Variants in CMTM4 observed in about 807,000 individuals in gnomAD.
CMTM4 encodes CKLF like MARVEL transmembrane domain containing 4.
A neutral mutation model predicts 19.0 loss-of-function variants in CMTM4; 8 were observed. That is an observed-to-expected ratio of 0.42 (90% CI 0.25 to 0.76). The LOEUF is 0.76. Ranked by LOEUF, CMTM4 falls within the 30% of genes least tolerant of loss-of-function variation. CMTM4 has a pLI of 0.27. For missense variants in CMTM4, 228 were observed against 290.2 expected (o/e 0.79, Z 1.56); for synonymous variants, 106 against 121.1 (o/e 0.88, Z 0.82).
At chr16:66,670,001 A>G (rs2016673462) in intron 1 of CMTM4, among the ~76,000 whole-genome samples, 1 of 152,234 alleles carries the variant, frequency 6.6e-6, no homozygotes, top group Admixed American at 6.5e-5. Context: ...CCACTTAATC[A>G]TGAAACAAAA....
chr16:66,640,076 C>A (rs934949759), intron 1 of CMTM4, among the ~76,000 whole-genome samples: 3 of 151,988 alleles, frequency 2.0e-5, no homozygotes, highest in African/African-American at 7.3e-5. Flanking sequence ...GTAATCCCAG[C>A]ACTATGGGAG....
chr16:66,677,311 C>T (rs1199629745), intron 1 of CMTM4, among the ~76,000 whole-genome samples: 1 of 152,196 alleles, frequency 6.6e-6, no homozygotes, highest in Non-Finnish European at 1.5e-5. Context: ...CAGGTGGGGG[C>T]AGGGAAGTAG....
intron 1 of CMTM4, among the ~76,000 whole-genome samples, chr16:66,683,141 A>ACATG (rs1567431990): frequency 2.3e-5 from 3 of 131,906 alleles, no homozygotes; most frequent in Admixed American, 8.6e-5. Context: ...ATATATATAT[A>ACATG]TATATGTATA....
chr16:66,648,589 C>T (rs994784383), intron 1 of CMTM4, among the ~76,000 whole-genome samples: 3 of 151,612 alleles, frequency 2.0e-5, no homozygotes, highest in African/African-American at 7.3e-5. Flanking sequence ...ACCCGGGAGG[C>T]GGAGGCTGCA....
chr16:66,636,556 C>A lies in CMTM4; in HGVS notation c.212G>T (p.Cys71Phe). 1 of 1,614,122 alleles carries A rather than the reference C, an allele frequency of 6.2e-7. No individual in the cohort carries two copies. Among genetic ancestry groups the A allele is most frequent in the Non-Finnish European group, 8.5e-7 (1 of 1,180,006 alleles). The change falls in exon 2 of 4, where the codon TGC (cysteine) becomes TTC (phenylalanine). Residue 71 changes from cysteine (C) to phenylalanine (F), a missense_variant. By Grantham distance (205) the Cys-to-Phe change is radical. Transcript: ENST00000394106. ...GGAGCATGCCATGATGGTCTCTATG[C>A]AGATGAATGCAATCAGGGCCAAGAT... ...QVILALIAFI[C>F]IETIMACSPC...
At chr16:66,607,143 G>A in the CMTM4 span, among the ~76,000 whole-genome samples, 107 of 152,332 alleles carry the variant, frequency 7.0e-4, no homozygotes, top group Non-Finnish European at 1.1e-3. Context: ...GGAGATGCCC[G>A]TGAGCCTCAG....
chr16:66,679,076 G>T (rs1211432982), intron 1 of CMTM4, among the ~76,000 whole-genome samples: 1 of 151,194 alleles, frequency 6.6e-6, no homozygotes, highest in East Asian at 1.9e-4. Context: ...TCCAGCCTGG[G>T]TGACAGAGCA....
At chr16:66,628,375 G>A (rs950787907) in intron 2 of CMTM4, among the ~76,000 whole-genome samples, 6 of 152,194 alleles carry the variant, frequency 3.9e-5, no homozygotes, top group South Asian at 2.1e-4. Flanking sequence ...ACTATCTCAC[G>A]GGGAGAAACC....
the CMTM4 span, among the ~76,000 whole-genome samples, chr16:66,607,525 C>A: frequency 2.0e-5 from 3 of 152,246 alleles, no homozygotes; most frequent in South Asian, 6.2e-4. Context: ...AAATAAATTG[C>A]AGACATCAGG....
At chr16:66,632,966 T>C (rs1287952332) in intron 2 of CMTM4, among the ~76,000 whole-genome samples, 2 of 151,392 alleles carry the variant, frequency 1.3e-5, no homozygotes, top group East Asian at 3.9e-4. Flanking sequence ...ATGCCTGTAA[T>C]CCCAGCTACT....
chr16:66,612,646 CG>C, downstream of CMTM4: 1 of 1,613,788 alleles, frequency 6.2e-7, no homozygotes, highest in Non-Finnish European at 8.5e-7. The surrounding 1 kb of genome is among the most constrained non-coding windows in gnomAD (Gnocchi z 6.0). Context: ...GAAGGCCTGG[CG>C]GGTGCCTTGG....
chr16:66,686,421 C>T (rs1055562133), intron 1 of CMTM4, among the ~76,000 whole-genome samples: 8 of 150,258 alleles, frequency 5.3e-5, no homozygotes, highest in Non-Finnish European at 1.5e-5. Context: ...ATTAGCCAGG[C>T]GCCTGTAATC....
At chr16:66,609,315 A>G in the CMTM4 span, 1 of 810,402 alleles carries the variant, frequency 1.2e-6, no homozygotes, top group Admixed American at 2.4e-5. The surrounding 1 kb of genome is among the most constrained non-coding windows in gnomAD (Gnocchi z 4.4). Flanking sequence ...TGGGGCCAGG[A>G]TGGGATAGGA....
At chr16:66,639,880 T>C (rs2016067739) in intron 1 of CMTM4, among the ~76,000 whole-genome samples, 1 of 152,116 alleles carries the variant, frequency 6.6e-6, no homozygotes, top group Non-Finnish European at 1.5e-5. Context: ...TAGCCAGATG[T>C]GGTGCTGCAC....
Position 66,621,936 on chromosome 16 carries a change from G to C in CMTM4, c.*122C>G, listed in dbSNP as rs1596900710. The C allele has an allele frequency of 6.9e-7, 1 of 1,450,172 alleles. No individual in the cohort carries two copies. Among genetic ancestry groups the C allele is most frequent in the South Asian group, 1.4e-5 (1 of 69,688 alleles). 89.8% of individuals were successfully genotyped at this position (1,450,172 alleles called of 1,614,324 possible). A position where few individuals can be genotyped will look rare whatever the true frequency, so the allele number is the denominator to read the frequency against. On this transcript the variant is annotated 3_prime_UTR_variant, in exon 4 of 4. Coordinates refer to ENST00000394106, the MANE Select transcript of CMTM4 (RefSeq NM_181521.3). ...CACTCGGGAAACCCTTTCCCAAAAT[G>C]AACTTTTACCAAAGAGGACAAAATT...
chr16:66,696,270 G>T lies in CMTM4; in HGVS notation c.186+70C>A. ...CAAGCGGGTACGCGGCGGAGGCCCC[G>T]CAGCGGGGCGGGGAGGGAGGCGTGC... On this transcript the variant is annotated intron_variant, in intron 1 of 3. Transcript: ENST00000394106. The surrounding 1 kb of genome is among the most constrained non-coding windows in gnomAD (Gnocchi z 4.3). 1 of 1,135,200 alleles carries T rather than the reference G, an allele frequency of 8.8e-7. No homozygotes were observed. The highest frequency in any genetic ancestry group is 1.1e-6 in the Non-Finnish European group (1 of 892,298). The allele number at this position is 1,135,200 out of a possible 1,614,324, so 70.3% of individuals were successfully genotyped here. A position where few individuals can be genotyped will look rare whatever the true frequency, so the allele number is the denominator to read the frequency against.
At chr16:66,610,147 C>T, downstream of CMTM4, 1 of 1,012,750 alleles carries the variant, frequency 9.9e-7, no homozygotes, top group East Asian at 2.5e-5. The surrounding 1 kb of genome is among the most constrained non-coding windows in gnomAD (Gnocchi z 4.6). Context: ...TCTCACCTAC[C>T]CTCATGCAGC....
intron 2 of CMTM4, among the ~76,000 whole-genome samples, chr16:66,634,365 G>A (rs1037413786): frequency 2.0e-5 from 3 of 151,756 alleles, no homozygotes; most frequent in East Asian, 1.9e-4. Flanking sequence ...GCTTGAACCC[G>A]GGAGGCGGAG....
intron 1 of CMTM4, among the ~76,000 whole-genome samples, chr16:66,644,352 G>A (rs1374081102): frequency 3.3e-5 from 5 of 152,188 alleles, no homozygotes; most frequent in African/African-American, 9.7e-5. Context: ...CTGCACTTGT[G>A]TACACCGAAA....
Sources: gnomAD v4.1 joint callset for allele counts (sites outside exome capture counted in the v4.1 genomes callset) on GRCh38, gnomAD v4.1.1 for gene constraint, Gnocchi (gnomAD v3.1) non-coding constraint, MANE v1.5 for transcripts, NCBI Gene and HGNC (gene_info 2026-07-23, HGNC 2026-07-21) for gene names.